The following UPF3A variants were observed in gnomAD, a reference collection of about 807,000 sequenced individuals.
UPF3A encodes UPF3A regulator of nonsense mediated mRNA decay.
Under a neutral mutation model 53.5 loss-of-function variants are expected in UPF3A, and 42 were observed. The observed-to-expected ratio is 0.78, with a 90% CI of 0.61 to 1.01. The LOEUF is 1.01. Ranked by LOEUF, UPF3A falls within the 50% of genes least tolerant of loss-of-function variation. The probability of loss-of-function intolerance (pLI) is 0.00; values close to 1 mark genes in which losing one functional copy is unlikely to be tolerated. For missense variants in UPF3A, 575 were observed against 598.0 expected (o/e 0.96, Z 0.40); for synonymous variants, 237 against 225.3 (o/e 1.05, Z -0.47).
rs1555371086 is a variant in UPF3A at position 114,291,673 on chromosome 13, G to C, written c.727G>C (p.Glu243Gln). 5.0e-6 allele frequency: 8 copies of C among 1,608,034 alleles called. No individual in the cohort carries two copies. Among genetic ancestry groups the C allele is most frequent in the Non-Finnish European group, 6.8e-6 (8 of 1,178,154 alleles). Residue 243 changes from glutamate (E) to glutamine (Q), a missense_variant, in exon 7 of 10, where the codon GAG (glutamate) becomes CAG (glutamine). Glu to Gln is a conservative substitution (Grantham distance 29). Coordinates refer to ENST00000375299, the MANE Select transcript of UPF3A (RefSeq NM_023011.4). ...GAAGCGAGAAGAACGGAGGAGGAGA[G>C]AGTTAGAAAAGAAACGTTTGCGGGA... ...EEKREERRRR[E>Q]LEKKRLREEE...
intron 9 of UPF3A, 117 bp from the exon 10 acceptor site, chr13:114,304,672 T>C (rs1204436683): frequency 1.4e-6 from 2 of 1,405,290 alleles, no homozygotes; most frequent in Non-Finnish European, 1.9e-6. Flanking sequence ...GATTTTTAGC[T>C]GCCTAGTTGA....
intron 7 of UPF3A, among the ~76,000 whole-genome samples, chr13:114,298,530 ACT>A (rs1249793032): frequency 2.0e-5 from 3 of 152,158 alleles, no homozygotes; most frequent in African/African-American, 7.2e-5. Flanking sequence ...ACAGAGCGAG[ACT>A]CTGTCTCAAA....
At chr13:114,292,089 T>G (rs898278108) in intron 7 of UPF3A, among the ~76,000 whole-genome samples, 1 of 145,540 alleles carries the variant, frequency 6.9e-6, no homozygotes, top group African/African-American at 2.6e-5. Context: ...CTGCTGACGC[T>G]CTTTTTTTTT....
chr13:114,284,418 C>G (rs141414819), intron 3 of UPF3A, among the ~76,000 whole-genome samples: 1 of 151,500 alleles, frequency 6.6e-6, no homozygotes, highest in East Asian at 1.9e-4. Context: ...GTAACATGGC[C>G]AGGTGTGATG....
At chr13:114,303,891 C>T (rs1202954489) in intron 9 of UPF3A, among the ~76,000 whole-genome samples, 3 of 152,174 alleles carry the variant, frequency 2.0e-5, no homozygotes, top group Admixed American at 6.5e-5. Flanking sequence ...AGGTTCATAC[C>T]AAGGAAAAGA....
chr13:114,289,927 G>T (rs538139934), intron 5 of UPF3A, among the ~76,000 whole-genome samples: 1 of 152,238 alleles, frequency 6.6e-6, no homozygotes, highest in Non-Finnish European at 1.5e-5. Context: ...GGAGTCTGGG[G>T]TCAGCCTCCC....
intron 8 of UPF3A, among the ~76,000 whole-genome samples, chr13:114,300,586 T>C (rs2086509601): frequency 6.6e-6 from 1 of 151,496 alleles, no homozygotes; most frequent in Non-Finnish European, 1.5e-5. Flanking sequence ...CTTGCCCAGG[T>C]TGGAGTGCAA....
Position 114,301,840 on chromosome 13 carries a change from C to T in UPF3A, c.1117C>T (p.His373Tyr), listed in dbSNP as rs2086635635. 6.2e-7 allele frequency: 1 copy of T among 1,613,484 alleles called. No individual in the cohort carries two copies. Among genetic ancestry groups the T allele is most frequent in the Admixed American group, 1.7e-5 (1 of 59,910 alleles). The change falls in exon 9 of 10, where the codon CAC becomes TAC. Residue 373 changes from histidine (H) to tyrosine (Y), a missense_variant. This residue lies in a region of UPF3A where 323 missense variants were observed against 415.2 expected (regional missense o/e 0.78). Coordinates refer to ENST00000375299, the MANE Select transcript of UPF3A (RefSeq NM_023011.4). ...VDDGRRHRAH[H>Y]EPERLSRRSE... ...TGACGGCAGGAGGCACAGAGCTCAC[C>T]ACGAGCCTGAACGGCTTTCCAGAAG...
intron 7 of UPF3A, among the ~76,000 whole-genome samples, chr13:114,294,273 T>TC (rs1555372456): frequency 6.3e-5 from 9 of 143,074 alleles, no homozygotes; most frequent in African/African-American, 2.1e-4. Context: ...TTGGTTTTGG[T>TC]GGGGGGGGGG....
chr13:114,301,898 C>T lies in UPF3A; in HGVS notation c.1175C>T (p.Pro392Leu). The T allele has an allele frequency of 6.2e-7, 1 of 1,609,866 alleles. No homozygotes were observed. Among genetic ancestry groups the T allele is most frequent in the South Asian group, 1.1e-5 (1 of 90,650 alleles). Residue 392 changes from proline to leucine, a missense_variant, in exon 9 of 10, where the codon CCT becomes CTT. Pro to Leu is a moderately conservative substitution (Grantham distance 98, BLOSUM62 -3). Transcript: ENST00000375299. ...GATGAGCAGAGATGGGGGAAAGGAC[C>T]TGGCCAAGACAGAGGGAAGAAGGGG... ...SEDEQRWGKGPGQDRGKKGSQ... is the reference protein window; with the variant it reads ...SEDEQRWGKGLGQDRGKKGSQ...
At chr13:114,292,562 C>T (rs1039686402) in intron 7 of UPF3A, among the ~76,000 whole-genome samples, 2 of 149,214 alleles carry the variant, frequency 1.3e-5, no homozygotes, top group African/African-American at 2.5e-5. Flanking sequence ...TGTTCATTTT[C>T]GGCTCAAGGC....
At chr13:114,295,062 A>G (rs2085735510) in intron 7 of UPF3A, among the ~76,000 whole-genome samples, 1 of 150,646 alleles carries the variant, frequency 6.6e-6, no homozygotes, top group South Asian at 2.1e-4. Context: ...CAGTGAGCCA[A>G]GATTGCGCCA....
rs1158536016 is a variant in UPF3A at position 114,305,493 on chromosome 13, A to G, written c.*576A>G. ...CAACAGCTTCAACTATTGCCCTTTCAACAGTTTTGCCACTGACCGGATAGA... is the reference window on the plus strand; with the variant it reads ...CAACAGCTTCAACTATTGCCCTTTCGACAGTTTTGCCACTGACCGGATAGA... On this transcript the variant is annotated 3_prime_UTR_variant, in exon 10 of 10. Transcript: ENST00000375299. 2 of 159,042 alleles carry G rather than the reference A, an allele frequency of 1.3e-5. No homozygotes were observed. Among genetic ancestry groups the G allele is most frequent in the Non-Finnish European group, 2.8e-5 (2 of 71,524 alleles). 9.9% of individuals were successfully genotyped at this position (159,042 alleles called of 1,614,324 possible).
intron 7 of UPF3A, among the ~76,000 whole-genome samples, chr13:114,293,587 C>T (rs2085528220): frequency 1.3e-5 from 2 of 151,978 alleles, no homozygotes; most frequent in Admixed American, 1.3e-4. Context: ...GAATTTTTCT[C>T]TGTGTGAAAT....
intron 7 of UPF3A, among the ~76,000 whole-genome samples, chr13:114,294,064 G>A (rs1004880576): frequency 2.0e-5 from 3 of 151,990 alleles, no homozygotes; most frequent in South Asian, 2.1e-4. Context: ...GATTACAGGC[G>A]TGAGCCACCA....
intron 5 of UPF3A, among the ~76,000 whole-genome samples, chr13:114,290,923 C>T (rs933621624): frequency 4.6e-5 from 7 of 151,720 alleles, no homozygotes; most frequent in African/African-American, 1.5e-4. Context: ...TCAGTAGAGA[C>T]GGGGTTTCCT....
chr13:114,293,786 C>A (rs2085548356), intron 7 of UPF3A, among the ~76,000 whole-genome samples: 1 of 152,246 alleles, frequency 6.6e-6, no homozygotes, highest in South Asian at 2.1e-4. Flanking sequence ...GGGAAGAGAT[C>A]ATTGAACCAT....
chr13:114,298,766 G>T lies in UPF3A; in HGVS notation c.847-74G>T. The T allele has an allele frequency of 2.3e-6, 3 of 1,332,846 alleles. No homozygotes were observed. The Admixed American group carries it at 9.9e-5, about 44-fold the overall frequency. The allele number at this position is 1,332,846 out of a possible 1,614,324, so 82.6% of individuals were successfully genotyped here. ...TTGGCTTCAATATTGGGGTATATTT[G>T]TAATTATTTATTTAACAGCTTCTTT... is the stretch of plus-strand genomic sequence containing the variant. On this transcript the variant is annotated intron_variant, in intron 7 of 9. Transcript: ENST00000375299.
chr13:114,282,641 G>T, intron 2 of UPF3A, 196 bp from the exon 3 acceptor site: 1 of 985,504 alleles, frequency 1.0e-6, no homozygotes, highest in Non-Finnish European at 1.2e-6. Context: ...GAAGGGACCT[G>T]AGTTCTGCCT....
Sources: allele counts gnomAD v4.1 joint callset (sites outside exome capture counted in the v4.1 genomes callset), GRCh38; gene constraint gnomAD v4.1.1; regional missense constraint gnomAD v4.1.1; transcripts MANE v1.5; gene names NCBI Gene and HGNC (gene_info 2026-07-23, HGNC 2026-07-21).